The following SLC35F3 variants were observed in gnomAD, a reference collection of about 807,000 sequenced individuals.
SLC35F3 encodes putative thiamine transporter SLC35F3.
A neutral mutation model predicts 49.9 loss-of-function variants in SLC35F3; 25 were observed. That is an observed-to-expected ratio of 0.50 (90% CI 0.37 to 0.70). The LOEUF is 0.70. Ranked by LOEUF, SLC35F3 falls within the 30% of genes least tolerant of loss-of-function variation. The pLI, the probability that SLC35F3 is intolerant of heterozygous loss-of-function variation, is 0.00. For synonymous variants in SLC35F3, 275 were observed against 265.4 expected (o/e 1.04, Z -0.35); for missense variants, 525 against 639.8 (o/e 0.82, Z 1.94).
At chr1:234,093,234 G>A (rs1665069339) in intron 2 of SLC35F3, among the ~76,000 whole-genome samples, 1 of 152,146 alleles carries the variant, frequency 6.6e-6, no homozygotes, top group African/African-American at 2.4e-5. Flanking sequence ...TTGTCTCTTT[G>A]CCAGAATGTA....
intron 2 of SLC35F3, among the ~76,000 whole-genome samples, chr1:234,175,463 T>G (rs1231958503): frequency 6.6e-6 from 1 of 151,962 alleles, no homozygotes; most frequent in African/African-American, 2.4e-5. Flanking sequence ...AAATCTCCCA[T>G]GTATTGGAAG....
intron 2 of SLC35F3, among the ~76,000 whole-genome samples, chr1:234,088,116 T>C (rs1664987513): frequency 6.6e-6 from 1 of 152,224 alleles, no homozygotes; most frequent in Non-Finnish European, 1.5e-5. Flanking sequence ...TTCCAGCACC[T>C]ACAGCAGTGA....
intron 2 of SLC35F3, among the ~76,000 whole-genome samples, chr1:234,062,272 A>T (rs777164089): frequency 6.6e-6 from 1 of 152,204 alleles, no homozygotes; most frequent in Non-Finnish European, 1.5e-5. Context: ...GGCCTTGGGT[A>T]TACCCTGAGT....
intron 2 of SLC35F3, among the ~76,000 whole-genome samples, chr1:234,013,139 C>G (rs1663749289): frequency 6.6e-6 from 1 of 152,184 alleles, no homozygotes; most frequent in Non-Finnish European, 1.5e-5. Flanking sequence ...GATATCTTTT[C>G]TGATCACAGT....
intron 2 of SLC35F3, among the ~76,000 whole-genome samples, chr1:234,116,307 T>A (rs1223622997): frequency 6.6e-6 from 1 of 152,180 alleles, no homozygotes; most frequent in Non-Finnish European, 1.5e-5. Context: ...GATGCACCTA[T>A]GGCCCTTACA....
intron 2 of SLC35F3, among the ~76,000 whole-genome samples, chr1:234,141,666 CCCA>C (rs1030358848): frequency 2.6e-5 from 4 of 152,186 alleles, no homozygotes; most frequent in African/African-American, 9.7e-5. Context: ...GTCTACTCAG[CCCA>C]CCATGTTAGC....
chr1:234,268,704 T>C (rs1194330159), intron 3 of SLC35F3: 4 of 152,184 alleles, frequency 2.6e-5, no homozygotes, highest in African/African-American at 4.8e-5. Flanking sequence ...GACTGAGACA[T>C]CAACGTGGGG....
At chr1:234,268,412 A>G (rs1280558294) in intron 3 of SLC35F3, among the ~76,000 whole-genome samples, 1 of 152,084 alleles carries the variant, frequency 6.6e-6, no homozygotes, top group African/African-American at 2.4e-5. Flanking sequence ...AGTACCGTCC[A>G]GCTTTGGCTC....
chr1:234,195,325 G>A (rs1033140594), intron 2 of SLC35F3, among the ~76,000 whole-genome samples: 6 of 152,066 alleles, frequency 3.9e-5, no homozygotes, highest in African/African-American at 7.2e-5. Context: ...CTCATCTCTC[G>A]CCTCACTTCC....
At chr1:234,030,105 A>G (rs1340106638) in intron 2 of SLC35F3, among the ~76,000 whole-genome samples, 2 of 152,230 alleles carry the variant, frequency 1.3e-5, no homozygotes, top group African/African-American at 4.8e-5. Flanking sequence ...TTCTTCTGAA[A>G]TATGATTCAC....
intron 2 of SLC35F3, among the ~76,000 whole-genome samples, chr1:234,181,131 G>A (rs1666550389): frequency 6.6e-6 from 1 of 151,960 alleles, no homozygotes; most frequent in Non-Finnish European, 1.5e-5. Context: ...TCAGGAGTTG[G>A]AGACCAGCCT....
At chr1:234,205,927 C>T (rs73110449) in intron 2 of SLC35F3, among the ~76,000 whole-genome samples, 1 of 151,848 alleles carries the variant, frequency 6.6e-6, no homozygotes, top group African/African-American at 2.4e-5. Context: ...GGTGAGGGGT[C>T]CGTGTAGAGG....
intron 3 of SLC35F3, among the ~76,000 whole-genome samples, chr1:234,264,415 G>A (rs891276634): frequency 6.6e-5 from 10 of 152,136 alleles, no homozygotes; most frequent in African/African-American, 9.7e-5. Context: ...AAAACTTACC[G>A]GAAGAGTAGT....
chr1:233,967,394 T>G (rs908406208), intron 2 of SLC35F3, among the ~76,000 whole-genome samples: 3 of 152,236 alleles, frequency 2.0e-5, no homozygotes, highest in African/African-American at 7.2e-5. Flanking sequence ...TAAGAATTAA[T>G]TTTTAGCTAG....
Position 234,216,847 on chromosome 1 carries a change from A to G in SLC35F3, c.284-14570A>G, listed in dbSNP as rs530534497. Among the ~76,000 whole-genome samples, 457 of 152,280 alleles carry G rather than the reference A, an allele frequency of 3.0e-3. 1 individual carries two copies. The highest frequency in any genetic ancestry group is 9.9e-3 in the African/African-American group (413 of 41,560). ...AGCTGAAAATGCCTGGCAAGCCCCC[A>G]GTTGCATTTTTCGTGGGATACCTAC... is the stretch of plus-strand genomic sequence containing the variant. On this transcript the variant is annotated intron_variant, in intron 2 of 7. Transcript: ENST00000366618.
chr1:233,974,308 C>G (rs1179822393), intron 2 of SLC35F3, among the ~76,000 whole-genome samples: 1 of 150,946 alleles, frequency 6.6e-6, no homozygotes, highest in Non-Finnish European at 1.5e-5. Context: ...CCTCCGCCTC[C>G]TGAGTAGCTG....
chr1:234,319,185 C>T (rs193216164), intron 6 of SLC35F3, among the ~76,000 whole-genome samples: 2 of 152,302 alleles, frequency 1.3e-5, no homozygotes, highest in Admixed American at 1.3e-4. Flanking sequence ...TGAACTAATA[C>T]CCCAGGGTGT....
At chr1:233,970,913 T>G (rs1273718676) in intron 2 of SLC35F3, among the ~76,000 whole-genome samples, 1 of 152,250 alleles carries the variant, frequency 6.6e-6, no homozygotes, top group Non-Finnish European at 1.5e-5. Context: ...ATAAGGATTT[T>G]AGACTGTGTT....
intron 2 of SLC35F3, among the ~76,000 whole-genome samples, chr1:234,165,076 GT>G (rs1666294604): frequency 7.0e-6 from 1 of 142,372 alleles, no homozygotes; most frequent in South Asian, 2.2e-4. Flanking sequence ...GTGTGTGTGT[GT>G]GTGTGTGTAA....
Sources: allele counts gnomAD v4.1 joint callset (sites outside exome capture counted in the v4.1 genomes callset), GRCh38; gene constraint gnomAD v4.1.1; transcripts MANE v1.5; gene names NCBI Gene and HGNC (gene_info 2026-07-23, HGNC 2026-07-21).